Variants in WDR7 observed in about 807,000 individuals in gnomAD.
WDR7 encodes the protein WD repeat domain 7, also known as WD repeat-containing protein 7.
Under a neutral mutation model 169.4 loss-of-function variants are expected in WDR7, and 46 were observed. That is an observed-to-expected ratio of 0.27 (90% CI 0.21 to 0.35). The LOEUF is 0.35. Ranked by LOEUF, WDR7 falls within the 10% of genes least tolerant of loss-of-function variation. The probability of loss-of-function intolerance (pLI) is 1.00; values close to 1 mark genes in which losing one functional copy is unlikely to be tolerated. For synonymous variants in WDR7, 612 were observed against 666.8 expected, an observed-to-expected ratio of 0.92 and a Z score of 1.27; for missense variants, 1,534 against 1,859.3, an observed-to-expected ratio of 0.83 and a Z score of 3.22.
intron 19 of WDR7, among the ~76,000 whole-genome samples, chr18:56,798,751 G>A (rs546804530): frequency 6.6e-6 from 1 of 151,940 alleles, no homozygotes; most frequent in Admixed American, 6.6e-5. Flanking sequence ...CTTAATAAAT[G>A]GATTATATAA....
At chr18:56,686,823 A>G (rs944833197) in intron 6 of WDR7, 32 bp from the exon 7 acceptor site, 5 of 1,461,432 alleles carry the variant, frequency 3.4e-6, no homozygotes, top group African/African-American at 3.0e-5. Flanking sequence ...CAATCATGCT[A>G]TTCCTAAATT....
chr18:56,854,211 C>T (rs140870562), intron 20 of WDR7, among the ~76,000 whole-genome samples: 371 of 152,280 alleles, frequency 2.4e-3, no homozygotes, highest in African/African-American at 8.4e-3. Flanking sequence ...CACTGTCTGC[C>T]GGGACACAGC....
chr18:57,001,565 C>T (rs1471804727), intron 26 of WDR7, among the ~76,000 whole-genome samples: 1 of 152,142 alleles, frequency 6.6e-6, no homozygotes, highest in Non-Finnish European at 1.5e-5. Context: ...GTAAAATACA[C>T]ATAAAATAAC....
intron 13 of WDR7, among the ~76,000 whole-genome samples, chr18:56,720,420 G>A (rs2026295593): frequency 6.6e-6 from 1 of 152,156 alleles, no homozygotes; most frequent in South Asian, 2.1e-4. Flanking sequence ...CTGCACCCCA[G>A]CCTGGGAGAC....
At chr18:56,767,991 C>T (rs79428527) in intron 16 of WDR7, among the ~76,000 whole-genome samples, 2,098 of 152,234 alleles carry the variant, frequency 0.014, 46 homozygotes, top group African/African-American at 0.048. Flanking sequence ...TGTTATCCTC[C>T]TCATCATCTT....
chr18:56,828,489 A>G (rs1046124197), intron 20 of WDR7, among the ~76,000 whole-genome samples: 47 of 152,342 alleles, frequency 3.1e-4, no homozygotes, highest in African/African-American at 1.1e-3. Context: ...GACAGTCATT[A>G]CTAGACTTTA....
At chr18:56,892,922 T>C (rs1006305706) in intron 21 of WDR7, among the ~76,000 whole-genome samples, 7 of 152,070 alleles carry the variant, frequency 4.6e-5, no homozygotes, top group African/African-American at 1.7e-4. Flanking sequence ...CAGTTAAAAA[T>C]TATAAAGCTG....
intron 2 of WDR7, among the ~76,000 whole-genome samples, chr18:56,678,752 C>T (rs1390606151): frequency 2.6e-5 from 4 of 152,136 alleles, no homozygotes; most frequent in Non-Finnish European, 5.9e-5. Context: ...ACCTTAGCCT[C>T]CCAAAGTGCT....
intron 10 of WDR7, 78 bp downstream of exon 10, chr18:56,694,838 G>A (rs1237117958): frequency 2.4e-5 from 37 of 1,533,144 alleles, no homozygotes; most frequent in South Asian, 5.1e-5. Flanking sequence ...CATTCATAAT[G>A]TACATATATC....
intron 1 of WDR7, among the ~76,000 whole-genome samples, chr18:56,659,539 G>C (rs573598899): frequency 3.3e-4 from 50 of 152,338 alleles, no homozygotes; most frequent in African/African-American, 1.2e-3. Flanking sequence ...ATGATTGTAA[G>C]TGTTTAGTTT....
rs1322326595 is a variant in WDR7 at position 56,812,571 on chromosome 18, G to A, written c.3191-3460G>A. On this transcript the variant is annotated intron_variant, in intron 19 of 27. Coordinates refer to ENST00000254442, the MANE Select transcript of WDR7 (RefSeq NM_015285.3). Reference sequence around the variant, plus strand: ...TGGGAGACCCAGCGAAGCTGGTGGTGGGGCTCAGTTTAAGTCTAAAATCCT... The same window carrying A: ...TGGGAGACCCAGCGAAGCTGGTGGTAGGGCTCAGTTTAAGTCTAAAATCCT... 2.6e-5 allele frequency among the ~76,000 whole-genome samples: 4 copies of A among 152,262 alleles called. No individual in the cohort carries two copies. In the East Asian group the frequency reaches 5.8e-4, roughly 22 times the overall value.
At chr18:57,016,607 GCTGACCAAAT>G (rs2048210921) in intron 26 of WDR7, among the ~76,000 whole-genome samples, 1 of 152,176 alleles carries the variant, frequency 6.6e-6, no homozygotes, top group African/African-American at 2.4e-5. Flanking sequence ...TTTTATTGAC[GCTGACCAAAT>G]CATTTTAGAA....
chr18:56,966,256 T>G (rs1375155484), intron 26 of WDR7, among the ~76,000 whole-genome samples: 1 of 152,056 alleles, frequency 6.6e-6, no homozygotes, highest in Non-Finnish European at 1.5e-5. Flanking sequence ...TATACGTGGA[T>G]TTTTTTCAAT....
downstream of WDR7, chr18:57,034,104 G>C (rs540748398): frequency 1.3e-5 from 2 of 152,258 alleles, no homozygotes; most frequent in African/African-American, 4.8e-5. Flanking sequence ...AGCCGAGATT[G>C]TGCCACTGCA....
chr18:56,867,873 G>T (rs892998487), intron 20 of WDR7, among the ~76,000 whole-genome samples: 1 of 152,052 alleles, frequency 6.6e-6, no homozygotes, highest in African/African-American at 2.4e-5. Flanking sequence ...AGCCAAATTC[G>T]AAATGAAATT....
rs1429445172 is a variant in WDR7 at position 57,027,913 on chromosome 18, A to T, written c.*706A>T. ...AGTGCTCATCTCTTGCTTAAATGATAGTCTATTTAGTAGTTTAAAATAAAA... is the reference window on the plus strand; with the variant it reads ...AGTGCTCATCTCTTGCTTAAATGATTGTCTATTTAGTAGTTTAAAATAAAA... On this transcript the variant is annotated 3_prime_UTR_variant, in exon 28 of 28. Coordinates refer to ENST00000254442, the MANE Select transcript of WDR7 (RefSeq NM_015285.3). The T allele has an allele frequency of 6.6e-6, 1 of 152,260 alleles. No individual in the cohort carries two copies. Among genetic ancestry groups the T allele is most frequent in the Non-Finnish European group, 1.5e-5 (1 of 68,060 alleles). 9.4% of individuals were successfully genotyped at this position (152,260 alleles called of 1,614,324 possible).
intron 14 of WDR7, among the ~76,000 whole-genome samples, chr18:56,743,552 C>T (rs1166627491): frequency 6.6e-6 from 1 of 152,004 alleles, no homozygotes; most frequent in East Asian, 1.9e-4. Context: ...TTAGAAGGAT[C>T]GAAATGTGTT....
chr18:56,749,277 G>A (rs558862228), intron 14 of WDR7, among the ~76,000 whole-genome samples: 78 of 152,054 alleles, frequency 5.1e-4, no homozygotes, highest in Admixed American at 1.2e-3. Flanking sequence ...AACATGCAAT[G>A]TAATATGGCT....
chr18:56,744,509 T>C (rs925795307), intron 14 of WDR7, among the ~76,000 whole-genome samples: 1 of 152,032 alleles, frequency 6.6e-6, no homozygotes, highest in South Asian at 2.1e-4. Context: ...AATGCAGACA[T>C]AAAAGGGAAT....
Sources: allele counts gnomAD v4.1 joint callset (sites outside exome capture counted in the v4.1 genomes callset), GRCh38; gene constraint gnomAD v4.1.1; transcripts MANE v1.5; gene names NCBI Gene and HGNC (gene_info 2026-07-23, HGNC 2026-07-21).